MCC: variants seen among roughly 807,000 people sequenced by gnomAD.
MCC encodes the protein colorectal mutant cancer protein.
MCC carries 90 observed loss-of-function variants against 116.2 expected under a neutral mutation model. That is an observed-to-expected ratio of 0.77 (90% CI 0.65 to 0.92). The LOEUF (loss-of-function observed/expected upper bound fraction) is 0.92, where lower values mean the gene tolerates loss of function less well. Among genes scored for constraint, MCC ranks in the 40% least tolerant of loss-of-function variants. The pLI is 0.00. For synonymous variants in MCC, 578 were observed against 510.5 expected (o/e 1.13, Z -1.78); for missense variants, 1,516 against 1,312.2 (o/e 1.16, Z -2.40).
chr5:113,453,305 C>A (rs1461411557), intron 1 of MCC, among the ~76,000 whole-genome samples: 1 of 152,332 alleles, frequency 6.6e-6, no homozygotes, highest in South Asian at 2.1e-4. Context: ...CGTACACACA[C>A]ACACGGGCAC....
At chr5:113,136,474 C>A (rs755837756) in intron 5 of MCC, among the ~76,000 whole-genome samples, 2 of 152,050 alleles carry the variant, frequency 1.3e-5, no homozygotes, top group Admixed American at 6.5e-5. Flanking sequence ...GTAATCGTAG[C>A]TCTCCTGGTT....
chr5:113,269,004 C>G (rs759806087), intron 3 of MCC, among the ~76,000 whole-genome samples: 29 of 151,880 alleles, frequency 1.9e-4, no homozygotes, highest in Non-Finnish European at 3.1e-4. Context: ...CAAAAGGTAT[C>G]AAAGGAACAA....
intron 16 of MCC, chr5:113,044,461 CT>C (rs1375009074): frequency 2.0e-5 from 20 of 981,478 alleles, no homozygotes; most frequent in Non-Finnish European, 2.4e-5. Context: ...AGTACCATGG[CT>C]GGGGGAAGGC....
chr5:113,389,829 C>T (rs1482266312), intron 1 of MCC, among the ~76,000 whole-genome samples: 1 of 152,002 alleles, frequency 6.6e-6, no homozygotes, highest in African/African-American at 2.4e-5. Flanking sequence ...AAGAGGGTCC[C>T]CACTTTGGAT....
intron 1 of MCC, among the ~76,000 whole-genome samples, chr5:113,411,191 C>T (rs569463461): frequency 1.3e-5 from 2 of 152,016 alleles, no homozygotes; most frequent in South Asian, 4.2e-4. Context: ...CACTGTCTTC[C>T]ACAATGGTTG....
At position 113,064,175 on chromosome 5, in the gene MCC, G is replaced by A. The variant is rs1753428569; in HGVS notation, c.2030-8C>T. ...CATCCCCCGACTGGTCTCCTATGTG[G>A]CAGAGAAGCCAACGGATTAATCAAC... On this transcript the variant is annotated splice_region_variant and splice_polypyrimidine_tract_variant and intron_variant, in intron 13 of 18. Coordinates refer to ENST00000408903, the MANE Select transcript of MCC (RefSeq NM_001085377.2). The A allele has an allele frequency of 6.2e-7, 1 of 1,603,184 alleles. No individual in the cohort carries two copies. The highest frequency in any genetic ancestry group is 8.5e-7 in the Non-Finnish European group (1 of 1,173,162).
At chr5:113,429,718 G>C (rs1486682294) in intron 1 of MCC, among the ~76,000 whole-genome samples, 3 of 152,184 alleles carry the variant, frequency 2.0e-5, no homozygotes, top group Non-Finnish European at 2.9e-5. Context: ...TTCAGAGGCT[G>C]CTGGGTCATG....
chr5:113,446,169 C>T (rs1176702900), intron 1 of MCC, among the ~76,000 whole-genome samples: 1 of 152,106 alleles, frequency 6.6e-6, no homozygotes, highest in Non-Finnish European at 1.5e-5. Flanking sequence ...ACTTAGGCAA[C>T]ACCATTCTGA....
chr5:113,479,588 C>T (rs1311154678), intron 1 of MCC, among the ~76,000 whole-genome samples: 1 of 152,088 alleles, frequency 6.6e-6, no homozygotes, highest in Admixed American at 6.6e-5. Context: ...CTTTACAATC[C>T]TAAGTAGGGC....
intron 2 of MCC, among the ~76,000 whole-genome samples, chr5:113,375,499 C>T (rs13157360): frequency 0.27 from 40,779 of 152,054 alleles, 7,417 homozygotes; most frequent in African/African-American, 0.52. Context: ...TACTGTTTCT[C>T]GTGATTCTGG....
chr5:113,135,963 T>G (rs866893506), intron 5 of MCC, among the ~76,000 whole-genome samples: 35 of 152,118 alleles, frequency 2.3e-4, no homozygotes, highest in African/African-American at 8.5e-4. Flanking sequence ...GAGAATCACT[T>G]GAACTCAGGA....
At chr5:113,297,054 C>A (rs1766731962) in intron 3 of MCC, among the ~76,000 whole-genome samples, 1 of 152,202 alleles carries the variant, frequency 6.6e-6, no homozygotes, top group African/African-American at 2.4e-5. Flanking sequence ...AGATTTTCTT[C>A]ATAAACAATG....
At chr5:113,268,529 T>C (rs1765497089) in intron 3 of MCC, among the ~76,000 whole-genome samples, 1 of 152,160 alleles carries the variant, frequency 6.6e-6, no homozygotes, top group Non-Finnish European at 1.5e-5. Context: ...TGTCTCCCAG[T>C]AAGGGTCAAA....
intron 3 of MCC, among the ~76,000 whole-genome samples, chr5:113,263,657 G>C (rs1013471398): frequency 3.3e-5 from 5 of 152,190 alleles, no homozygotes; most frequent in Non-Finnish European, 7.3e-5. Context: ...AAAAGTAAAA[G>C]CTATAACACA....
chr5:113,118,946 C>T (rs927692745), intron 6 of MCC, among the ~76,000 whole-genome samples: 44 of 152,280 alleles, frequency 2.9e-4, no homozygotes, highest in African/African-American at 9.9e-4. Context: ...ACTCAGTTCC[C>T]AGATTCCTGC....
chr5:113,266,817 A>C (rs368241441), intron 3 of MCC, among the ~76,000 whole-genome samples: 47 of 152,280 alleles, frequency 3.1e-4, no homozygotes, highest in South Asian at 8.3e-4. Flanking sequence ...CAAAACAAAA[A>C]AAAAACCTAA....
intron 3 of MCC, among the ~76,000 whole-genome samples, chr5:113,260,442 G>A (rs1334209577): frequency 6.6e-6 from 1 of 152,088 alleles, no homozygotes; most frequent in Admixed American, 6.6e-5. Flanking sequence ...TGTTTAGGTT[G>A]AAGTACATAA....
chr5:113,341,255 G>A (rs1334085998), intron 2 of MCC, among the ~76,000 whole-genome samples: 3 of 150,566 alleles, frequency 2.0e-5, no homozygotes, highest in Non-Finnish European at 4.4e-5. Flanking sequence ...TTTGAGGCAG[G>A]GTCTTGTTCT....
intron 3 of MCC, among the ~76,000 whole-genome samples, chr5:113,253,015 A>C (rs1467251932): frequency 6.6e-6 from 1 of 152,176 alleles, no homozygotes; most frequent in Non-Finnish European, 1.5e-5. Context: ...TTATGTGAGA[A>C]TTAATTTCTC....
Sources: allele counts gnomAD v4.1 joint callset (sites outside exome capture counted in the v4.1 genomes callset), GRCh38; gene constraint gnomAD v4.1.1; transcripts MANE v1.5; gene names NCBI Gene and HGNC (gene_info 2026-07-23, HGNC 2026-07-21).